Variants in ZNF236 observed in about 807,000 individuals in gnomAD.
ZNF236 encodes zinc finger protein 236, also known as regulated by glucose.
A neutral mutation model predicts 191.2 loss-of-function variants in ZNF236; 50 were observed. The observed-to-expected ratio is 0.26, with a 90% CI of 0.21 to 0.33. The LOEUF (loss-of-function observed/expected upper bound fraction) is 0.33. Among genes scored for constraint, ZNF236 ranks in the 10% least tolerant of loss-of-function variants. The pLI is 1.00. For synonymous variants in ZNF236, 907 were observed against 928.8 expected, an observed-to-expected ratio of 0.98 and a Z score of 0.43; for missense variants, 1,754 against 2,374.5, an observed-to-expected ratio of 0.74 and a Z score of 5.43.
At chr18:76,838,788 T>G (rs1306719030) in intron 1 of ZNF236, among the ~76,000 whole-genome samples, 1 of 152,164 alleles carries the variant, frequency 6.6e-6, no homozygotes, top group African/African-American at 2.4e-5. Context: ...GCTCAATGAA[T>G]TTTTCTCAAA....
At chr18:76,852,663 T>A (rs1568195816) in intron 3 of ZNF236, among the ~76,000 whole-genome samples, 3 of 151,850 alleles carry the variant, frequency 2.0e-5, no homozygotes, top group Admixed American at 6.6e-5. Flanking sequence ...AAAGAAAACC[T>A]TCTCTGAACT....
intron 1 of ZNF236, among the ~76,000 whole-genome samples, chr18:76,845,102 T>C (rs1975636994): frequency 6.6e-6 from 1 of 152,242 alleles, no homozygotes; most frequent in Admixed American, 6.5e-5. Flanking sequence ...AGAATATTTA[T>C]GTAAAGCCTT....
intron 3 of ZNF236, among the ~76,000 whole-genome samples, chr18:76,859,496 G>A (rs1976151878): frequency 6.6e-6 from 1 of 152,146 alleles, no homozygotes; most frequent in African/African-American, 2.4e-5. Context: ...CAACCCGGGT[G>A]TGTTGGGTAC....
intron 1 of ZNF236, among the ~76,000 whole-genome samples, chr18:76,848,052 T>C (rs1036518666): frequency 6.6e-6 from 1 of 152,228 alleles, no homozygotes; most frequent in Admixed American, 6.5e-5. Context: ...CCACCCTGTC[T>C]CTGTGCCCCT....
intron 1 of ZNF236, among the ~76,000 whole-genome samples, chr18:76,846,603 G>C (rs1165530740): frequency 6.6e-6 from 1 of 152,170 alleles, no homozygotes; most frequent in Admixed American, 6.5e-5. Flanking sequence ...CAATTTTCCA[G>C]TCATACTTTA....
Position 76,875,556 on chromosome 18 carries a change from C to A in ZNF236, c.732C>A (p.Thr244=). Residue 244 remains threonine, a synonymous_variant, in exon 6 of 31, where the codon ACC becomes ACA. Coordinates refer to ENST00000320610, the MANE Select transcript of ZNF236 (RefSeq NM_001306089.2). This position sits in a 1 kb window ranked among gnomAD's most constrained non-coding sequence, Gnocchi z 4.3. Reference sequence around the variant, plus strand: ...TTAACCAGAAGGGGGCACTGCAGACCCACATGATCAAGCACACAGGTGAAA... The same window carrying A: ...TTAACCAGAAGGGGGCACTGCAGACACACATGATCAAGCACACAGGTGAAA... ...KAFNQKGALQ[T]HMIKHTGEKP... is the part of the protein sequence containing the mutation. 6.2e-7 allele frequency: 1 copy of A among 1,600,076 alleles called. No homozygotes were observed.
chr18:76,856,777 T>C (rs1314662577), intron 3 of ZNF236, among the ~76,000 whole-genome samples: 3 of 152,234 alleles, frequency 2.0e-5, no homozygotes, highest in African/African-American at 7.2e-5. Flanking sequence ...GTTTCTGGTT[T>C]CATTATTTTT....
chr18:76,913,529 C>T (rs1967274416), intron 17 of ZNF236, among the ~76,000 whole-genome samples: 1 of 152,174 alleles, frequency 6.6e-6, no homozygotes, highest in Admixed American at 6.5e-5. Flanking sequence ...ACTGTAAATA[C>T]TCTAAGCAGA....
chr18:76,929,314 T>C (rs1967789275), intron 25 of ZNF236, among the ~76,000 whole-genome samples: 1 of 152,220 alleles, frequency 6.6e-6, no homozygotes, highest in South Asian at 2.1e-4. Context: ...TTGAATTTTA[T>C]ATAATTCAGT....
chr18:76,955,228 G>A (rs1354243507), intron 27 of ZNF236, among the ~76,000 whole-genome samples: 1 of 152,040 alleles, frequency 6.6e-6, no homozygotes, highest in East Asian at 1.9e-4. Context: ...GGCAACATAG[G>A]GAGACCCTGT....
At position 76,868,880 on chromosome 18, in the gene ZNF236, G is replaced by C. The variant is rs778755653; in HGVS notation, c.542+17G>C. The C allele has an allele frequency of 6.4e-7, 1 of 1,566,184 alleles. No individual in the cohort carries two copies. The highest frequency in any genetic ancestry group is 8.7e-7 in the Non-Finnish European group (1 of 1,155,774). ...CAAAATTAGGTATGAGTCATTACAT[G>C]GGCTTGGTCAAAAATCCATCTAATA... On this transcript the variant is annotated intron_variant, in intron 4 of 30. Coordinates refer to ENST00000320610, the MANE Select transcript of ZNF236 (RefSeq NM_001306089.2).
intron 27 of ZNF236, among the ~76,000 whole-genome samples, chr18:76,950,987 A>G (rs1968393671): frequency 6.6e-6 from 1 of 152,220 alleles, no homozygotes; most frequent in African/African-American, 2.4e-5. Flanking sequence ...AATGAGCAGG[A>G]ATATTTTGAA....
At chr18:76,932,339 A>G (rs975773516) in intron 25 of ZNF236, among the ~76,000 whole-genome samples, 3 of 152,204 alleles carry the variant, frequency 2.0e-5, no homozygotes, top group African/African-American at 7.2e-5. Flanking sequence ...GGAGGTGTGG[A>G]TATTTTAATG....
intron 3 of ZNF236, among the ~76,000 whole-genome samples, chr18:76,858,053 A>T (rs1313310076): frequency 6.6e-6 from 1 of 151,796 alleles, no homozygotes; most frequent in Non-Finnish European, 1.5e-5. Flanking sequence ...TAGGAAAGCG[A>T]TGCATTTGTG....
At position 76,927,008 on chromosome 18, in the gene ZNF236, G is replaced by C; in HGVS notation, c.4028-29G>C. 2 of 1,580,750 alleles carry C rather than the reference G, an allele frequency of 1.3e-6. No individual in the cohort carries two copies. Among genetic ancestry groups the C allele is most frequent in the Non-Finnish European group, 1.7e-6 (2 of 1,161,190 alleles). ...GTTTTAAGAAGCATTCATAATATTT[G>C]ATCATTCTCTTTCTCTTTCTCTGGC... is the stretch of plus-strand genomic sequence containing the variant. On this transcript the variant is annotated intron_variant, in intron 22 of 30. Coordinates refer to ENST00000320610, the MANE Select transcript of ZNF236 (RefSeq NM_001306089.2). This position sits in a 1 kb window ranked among gnomAD's most constrained non-coding sequence, Gnocchi z 5.4.
intron 3 of ZNF236, among the ~76,000 whole-genome samples, chr18:76,855,122 C>T (rs943303242): frequency 2.0e-5 from 3 of 152,114 alleles, no homozygotes; most frequent in African/African-American, 7.2e-5. Context: ...CGGGGTTTCG[C>T]CATGTTGGCC....
chr18:76,954,665 C>T (rs3794863), intron 27 of ZNF236, among the ~76,000 whole-genome samples: 34,099 of 152,074 alleles, frequency 0.22, 4,783 homozygotes, highest in East Asian at 0.33. Flanking sequence ...GACACACACC[C>T]GACACAGGTG....
chr18:76,873,056 GAGAA>G (rs1466035948), intron 5 of ZNF236, among the ~76,000 whole-genome samples: 1 of 152,108 alleles, frequency 6.6e-6, no homozygotes, highest in Non-Finnish European at 1.5e-5. Flanking sequence ...TAGAGTAAGA[GAGAA>G]AGAAAACAAT....
At chr18:76,824,212 A>T in intron 1 of ZNF236, 1 of 708,252 alleles carries the variant, frequency 1.4e-6, no homozygotes, top group Non-Finnish European at 2.6e-6. Flanking sequence ...AGAAAGAGGT[A>T]ATGGGTAGGA....
Sources: allele counts gnomAD v4.1 joint callset (sites outside exome capture counted in the v4.1 genomes callset), GRCh38; gene constraint gnomAD v4.1.1; non-coding constraint Gnocchi (gnomAD v3.1); transcripts MANE v1.5; gene names NCBI Gene and HGNC (gene_info 2026-07-23, HGNC 2026-07-21).